The following NBEA variants were observed in gnomAD, a reference collection of about 807,000 sequenced individuals.
NBEA encodes lysosomal-trafficking regulator 2.
In NBEA, 44 loss-of-function variants were observed where a neutral mutation model predicts 343.4. The observed-to-expected ratio is 0.13, with a 90% CI of 0.10 to 0.16. NBEA has a LOEUF of 0.16. Ranked by LOEUF, NBEA falls within the 10% of genes least tolerant of loss-of-function variation. The probability of loss-of-function intolerance (pLI) is 1.00; values close to 1 mark genes in which losing one functional copy is unlikely to be tolerated. For synonymous variants in NBEA, 1,175 were observed against 1,238.7 expected (o/e 0.95, Z 1.08); for missense variants, 2,555 against 3,631.3 (o/e 0.70, Z 7.62).
At chr13:35,153,468 A>C (rs2152706017) in intron 18 of NBEA, among the ~76,000 whole-genome samples, 1 of 152,342 alleles carries the variant, frequency 6.6e-6, no homozygotes, top group Non-Finnish European at 1.5e-5. Flanking sequence ...TTCAGTCTGC[A>C]AACATTTAGC....
intron 11 of NBEA, among the ~76,000 whole-genome samples, chr13:35,102,273 T>A (rs1338741032): frequency 6.6e-6 from 1 of 151,610 alleles, no homozygotes; most frequent in Non-Finnish European, 1.5e-5. Context: ...ATGACTGGGA[T>A]TTTTTTTGTG....
At chr13:35,483,744 C>T (rs1002743243) in intron 41 of NBEA, among the ~76,000 whole-genome samples, 1 of 151,946 alleles carries the variant, frequency 6.6e-6, no homozygotes, top group Admixed American at 6.6e-5. Flanking sequence ...TAATGTTATG[C>T]ATGCTTACAG....
chr13:35,586,174 C>T (rs1351938925), intron 46 of NBEA, among the ~76,000 whole-genome samples: 4 of 152,148 alleles, frequency 2.6e-5, no homozygotes, highest in South Asian at 2.1e-4. Context: ...CTCCTGTCTT[C>T]GAAAATATTT....
In NBEA at chr13:35,182,473, T is replaced by C; in HGVS notation, c.4776T>C (p.Thr1592=). The part of the protein sequence containing the change: ...ILEPQRETTR[T]GSQPGRNIRQ... ...AACCCCAGAGAGAGACTACAAGAAC[T>C]GGAAGCCAACCAGGTAGAAACATCA... Residue 1592 remains threonine, a synonymous_variant, in exon 29 of 59, where the codon ACT becomes ACC. Transcript: ENST00000379939. 1 of 1,610,588 alleles carries C rather than the reference T, an allele frequency of 6.2e-7. No individual in the cohort carries two copies. Among genetic ancestry groups the C allele is most frequent in the Non-Finnish European group, 8.5e-7 (1 of 1,177,726 alleles).
intron 34 of NBEA, among the ~76,000 whole-genome samples, chr13:35,273,039 A>G (rs1307843656): frequency 1.3e-5 from 2 of 152,186 alleles, no homozygotes; most frequent in East Asian, 3.9e-4. Flanking sequence ...CCCCAAATCA[A>G]CAGAATATAC....
intron 17 of NBEA, among the ~76,000 whole-genome samples, chr13:35,134,851 A>G (rs61947430): frequency 0.022 from 3,379 of 152,070 alleles, 47 homozygotes; most frequent in Non-Finnish European, 0.032. Context: ...CCTCATTGAG[A>G]TAAAATAGAA....
chr13:34,974,813 A>C lies in NBEA; in HGVS notation c.294+31699A>C, dbSNP rs536419268. On this transcript the variant is annotated intron_variant, in intron 1 of 58. Coordinates refer to ENST00000379939, the MANE Select transcript of NBEA (RefSeq NM_001385012.1). Reference sequence around the variant, plus strand: ...TTAAATGTGTTTATATGTGTGGACTACAGCAATATTCTACCAGTTAGCAGC... The same window carrying C: ...TTAAATGTGTTTATATGTGTGGACTCCAGCAATATTCTACCAGTTAGCAGC... Among the ~76,000 whole-genome samples, 25 of 152,328 alleles carry C rather than the reference A, an allele frequency of 1.6e-4. No individual in the cohort carries two copies. In the South Asian group the frequency reaches 5.2e-3, roughly 32 times the overall value.
intron 41 of NBEA, among the ~76,000 whole-genome samples, chr13:35,501,144 A>G (rs1331856306): frequency 6.6e-6 from 1 of 152,124 alleles, no homozygotes; most frequent in East Asian, 1.9e-4. Flanking sequence ...ATTAATAGGT[A>G]CTTTAGTATC....
chr13:35,475,411 A>G lies in NBEA; in HGVS notation c.6585+2875A>G, dbSNP rs535048596. 7 of 1,613,468 alleles carry G rather than the reference A, an allele frequency of 4.3e-6. No homozygotes were observed. The highest frequency in any genetic ancestry group is 3.3e-5 in the South Asian group (3 of 91,044). On this transcript the variant is annotated intron_variant, in intron 41 of 58. Transcript: ENST00000379939. ...GAGGCACTTCTTTCTGCAGCCCCCC[A>G]TCTGCAGTCTGTTCTCTGCCTCCGC...
At chr13:35,416,318 T>C (rs1786358732) in intron 38 of NBEA, among the ~76,000 whole-genome samples, 1 of 152,208 alleles carries the variant, frequency 6.6e-6, no homozygotes, top group South Asian at 2.1e-4. Flanking sequence ...GTGCCAGTTT[T>C]CAAAGGAAGT....
intron 16 of NBEA, among the ~76,000 whole-genome samples, chr13:35,119,680 G>T (rs1416700282): frequency 6.6e-6 from 1 of 152,254 alleles, no homozygotes; most frequent in Non-Finnish European, 1.5e-5. Flanking sequence ...CCACTTCCCG[G>T]GTTCACGCCA....
intron 33 of NBEA, among the ~76,000 whole-genome samples, chr13:35,223,884 G>T (rs1359466752): frequency 6.6e-6 from 1 of 152,130 alleles, no homozygotes; most frequent in Non-Finnish European, 1.5e-5. Flanking sequence ...TGGCAGGGCT[G>T]CATTTCTTAT....
Position 35,567,064 on chromosome 13 carries a change from T to C in NBEA, c.7035+47T>C, listed in dbSNP as rs761465007. The C allele has an allele frequency of 5.1e-6, 5 of 980,342 alleles. No individual in the cohort carries two copies. In the South Asian group the frequency reaches 7.0e-5, roughly 14 times the overall value. The allele number at this position is 980,342 out of a possible 1,614,324, so 60.7% of individuals were successfully genotyped here. A position where few individuals can be genotyped will look rare whatever the true frequency, so the allele number is the denominator to read the frequency against. ...GTCAGCTTTCTTCATAAGGCTATAGTCTAATAGTATTTCTGTCAGAGTATA... is the reference window on the plus strand; with the variant it reads ...GTCAGCTTTCTTCATAAGGCTATAGCCTAATAGTATTTCTGTCAGAGTATA... On this transcript the variant is annotated intron_variant, in intron 45 of 58. Coordinates refer to ENST00000379939, the MANE Select transcript of NBEA (RefSeq NM_001385012.1).
chr13:35,582,693 T>G (rs1222971941), intron 45 of NBEA, among the ~76,000 whole-genome samples: 1 of 152,174 alleles, frequency 6.6e-6, no homozygotes, highest in African/African-American at 2.4e-5. Flanking sequence ...ATGAACATAA[T>G]TTACAAGTAA....
intron 35 of NBEA, among the ~76,000 whole-genome samples, chr13:35,300,869 T>A (rs544156161): frequency 6.6e-6 from 1 of 152,294 alleles, no homozygotes; most frequent in East Asian, 1.9e-4. Flanking sequence ...TTCTTTATAC[T>A]TATGCATTTT....
chr13:35,192,352 G>C (rs1252903004), intron 30 of NBEA, among the ~76,000 whole-genome samples: 1 of 151,790 alleles, frequency 6.6e-6, no homozygotes, highest in East Asian at 1.9e-4. Context: ...GAAATATGTA[G>C]GTTTTTTGAC....
At chr13:35,561,283 A>G (rs1444916507) in intron 44 of NBEA, among the ~76,000 whole-genome samples, 2 of 152,110 alleles carry the variant, frequency 1.3e-5, no homozygotes, top group Non-Finnish European at 2.9e-5. Flanking sequence ...GTTGTGATCT[A>G]TTATGTAAAT....
intron 38 of NBEA, among the ~76,000 whole-genome samples, chr13:35,411,431 A>C (rs1238123127): frequency 6.6e-6 from 1 of 151,078 alleles, no homozygotes; most frequent in Admixed American, 6.6e-5. Flanking sequence ...CTGCCTCTGC[A>C]GGCTTCATCT....
intron 35 of NBEA, among the ~76,000 whole-genome samples, chr13:35,297,209 A>G (rs922847482): frequency 9.9e-5 from 15 of 152,034 alleles, no homozygotes; most frequent in Admixed American, 9.2e-4. Flanking sequence ...CCTGTACCTC[A>G]TATCTTCCCA....
Sources: gnomAD v4.1 joint callset for allele counts (sites outside exome capture counted in the v4.1 genomes callset) on GRCh38, gnomAD v4.1.1 for gene constraint, MANE v1.5 for transcripts, NCBI Gene and HGNC (gene_info 2026-07-23, HGNC 2026-07-21) for gene names.